Variants in ZNF654 observed in about 807,000 individuals in gnomAD.
ZNF654 encodes zinc finger protein 654, also known as melanoma-associated antigen.
In ZNF654, 19 loss-of-function variants were observed where a neutral mutation model predicts 95.3. The observed-to-expected ratio is 0.20, with a 90% confidence interval of 0.14 to 0.29. The LOEUF (loss-of-function observed/expected upper bound fraction) is 0.29, where lower values mean the gene tolerates loss of function less well. Among genes scored for constraint, ZNF654 ranks in the 10% least tolerant of loss-of-function variants. The pLI is 1.00. For synonymous variants in ZNF654, 413 were observed against 457.9 expected, an observed-to-expected ratio of 0.90 and a Z score of 1.25; for missense variants, 1,046 against 1,341.0, an observed-to-expected ratio of 0.78 and a Z score of 3.44.
intron 3 of ZNF654, among the ~76,000 whole-genome samples, chr3:88,115,786 A>G (rs1160324958): frequency 5.3e-5 from 8 of 152,148 alleles, no homozygotes; most frequent in African/African-American, 1.2e-4. Context: ...CATTTCTCAT[A>G]TGATGCATCT....
At chr3:88,113,469 T>C (rs1246995085) in intron 3 of ZNF654, among the ~76,000 whole-genome samples, 1 of 152,188 alleles carries the variant, frequency 6.6e-6, no homozygotes, top group Non-Finnish European at 1.5e-5. Flanking sequence ...AACTTAGTCC[T>C]GGTGAAAAAC....
intron 3 of ZNF654, among the ~76,000 whole-genome samples, chr3:88,118,140 G>A (rs1020529855): frequency 1.3e-5 from 2 of 152,128 alleles, no homozygotes; most frequent in Non-Finnish European, 2.9e-5. Flanking sequence ...CTGCCCTGAC[G>A]TTAGAGAAAA....
intron 1 of ZNF654, among the ~76,000 whole-genome samples, chr3:88,060,452 A>G (rs1706807798): frequency 6.6e-6 from 1 of 152,174 alleles, no homozygotes; most frequent in Non-Finnish European, 1.5e-5. Flanking sequence ...TCCCATTCAC[A>G]ACAATCTTTT....
intron 1 of ZNF654, among the ~76,000 whole-genome samples, chr3:88,071,972 A>G (rs4588391): frequency 0.78 from 119,188 of 152,142 alleles, 47,610 homozygotes; most frequent in South Asian, 0.91. Context: ...TTTCTTGTCA[A>G]ACAGTACATA....
chr3:88,132,031 T>C (rs2107848943), intron 6 of ZNF654, among the ~76,000 whole-genome samples: 1 of 152,236 alleles, frequency 6.6e-6, no homozygotes, highest in East Asian at 1.9e-4. Flanking sequence ...TAGCTGCAAA[T>C]GTTTGCTGAG....
intron 2 of ZNF654, among the ~76,000 whole-genome samples, chr3:88,096,499 A>G (rs1704068694): frequency 6.6e-6 from 1 of 152,082 alleles, no homozygotes; most frequent in Non-Finnish European, 1.5e-5. Flanking sequence ...TTTAGCCAAA[A>G]CTAACCAGAA....
chr3:88,085,544 T>A (rs1030432940), intron 1 of ZNF654, among the ~76,000 whole-genome samples: 5 of 152,192 alleles, frequency 3.3e-5, no homozygotes, highest in African/African-American at 1.2e-4. Context: ...TTTGTTAATA[T>A]AATATATTGT....
chr3:88,059,256 G>C lies in ZNF654; in HGVS notation c.-64G>C. Reference sequence around the variant, plus strand: ...GGAACTAGAGAGGAGGAGGAGGTTAGCCTAGGCATCTACGGCGGCGGCGGC... The same window carrying C: ...GGAACTAGAGAGGAGGAGGAGGTTACCCTAGGCATCTACGGCGGCGGCGGC... On this transcript the variant is annotated 5_prime_UTR_variant, in exon 1 of 9. Coordinates refer to ENST00000636215, the MANE Select transcript of ZNF654 (RefSeq NM_001350134.2). 1 of 1,530,676 alleles carries C rather than the reference G, an allele frequency of 6.5e-7. No individual in the cohort carries two copies. Among genetic ancestry groups the C allele is most frequent in the East Asian group, 2.4e-5 (1 of 40,886 alleles). The allele number at this position is 1,530,676 out of a possible 1,614,324, so 94.8% of individuals were successfully genotyped here.
intron 1 of ZNF654, among the ~76,000 whole-genome samples, chr3:88,063,521 A>C (rs1419661382): frequency 6.6e-6 from 1 of 152,162 alleles, no homozygotes; most frequent in African/African-American, 2.4e-5. Flanking sequence ...CTTGGTCTTG[A>C]TATAGGATTT....
chr3:88,110,078 A>G (rs1243588484), intron 2 of ZNF654, among the ~76,000 whole-genome samples: 1 of 152,166 alleles, frequency 6.6e-6, no homozygotes, highest in Non-Finnish European at 1.5e-5. Flanking sequence ...GTGACATGTT[A>G]ATAAATAATG....
At chr3:88,129,988 T>TA (rs1706350802) in intron 6 of ZNF654, among the ~76,000 whole-genome samples, 162 bp downstream of exon 6, 1 of 152,178 alleles carries the variant, frequency 6.6e-6, no homozygotes, top group Non-Finnish European at 1.5e-5. Flanking sequence ...CTAGAGACTT[T>TA]AAAAAGAAAT....
intron 3 of ZNF654, among the ~76,000 whole-genome samples, chr3:88,124,097 C>A (rs1283486000): frequency 3.3e-5 from 5 of 152,112 alleles, no homozygotes; most frequent in Admixed American, 1.3e-4. Flanking sequence ...AACTAGATGC[C>A]CTAAAATAAG....
At chr3:88,082,207 A>T (rs1156843052) in intron 1 of ZNF654, among the ~76,000 whole-genome samples, 1 of 151,694 alleles carries the variant, frequency 6.6e-6, no homozygotes, top group African/African-American at 2.4e-5. Flanking sequence ...GCTCACTGCA[A>T]CCTCTGCCTC....
chr3:88,078,619 C>A (rs1379359989), intron 1 of ZNF654, among the ~76,000 whole-genome samples: 1 of 152,080 alleles, frequency 6.6e-6, no homozygotes, highest in East Asian at 1.9e-4. Context: ...AGAAAAGGAG[C>A]TCTTCATCTC....
In ZNF654 at chr3:88,142,652, A is replaced by C. The variant is rs1456418324; in HGVS notation, c.*1000A>C. 1 of 152,378 alleles carries C rather than the reference A, an allele frequency of 6.6e-6. No individual in the cohort carries two copies. Among genetic ancestry groups the C allele is most frequent in the Admixed American group, 6.6e-5 (1 of 15,240 alleles). The allele number at this position is 152,378 out of a possible 1,614,324, so 9.4% of individuals were successfully genotyped here. ...TAACTGGCTCAAAAAATCAGCTAAGAATCAGGTTGAGAAATCATTCATTTT... is the reference window on the plus strand; with the variant it reads ...TAACTGGCTCAAAAAATCAGCTAAGCATCAGGTTGAGAAATCATTCATTTT... On this transcript the variant is annotated 3_prime_UTR_variant, in exon 9 of 9. Transcript: ENST00000636215.
intron 3 of ZNF654, among the ~76,000 whole-genome samples, chr3:88,122,809 A>G (rs1289436700): frequency 2.6e-5 from 4 of 152,042 alleles, no homozygotes; most frequent in African/African-American, 9.7e-5. Flanking sequence ...GAGGAGTTCG[A>G]TACCAGCCTG....
Position 88,120,071 on chromosome 3 carries a change from A to AT in ZNF654, c.415-6060dup, listed in dbSNP as rs200387069. ...GCTCAATAAATACATAATTCTACTTATTTAAAAAAAAATCAAATAATGTAA... is the reference window on the plus strand; with the variant it reads ...GCTCAATAAATACATAATTCTACTTATTTTAAAAAAAAATCAAATAATGTAA... On this transcript the variant is annotated intron_variant, in intron 3 of 8. Coordinates refer to ENST00000636215, the MANE Select transcript of ZNF654 (RefSeq NM_001350134.2). 7.0e-3 allele frequency among the ~76,000 whole-genome samples: 383 copies of AT among 54,446 alleles called. 1 individual carries two copies. Among genetic ancestry groups the AT allele is most frequent in the African/African-American group, 0.015 (367 of 24,050 alleles). 35.7% of individuals were successfully genotyped at this position (54,446 alleles called of 152,430 possible).
chr3:88,087,077 C>T (rs1471940259), intron 2 of ZNF654, among the ~76,000 whole-genome samples: 1 of 144,752 alleles, frequency 6.9e-6, no homozygotes. Flanking sequence ...CCACCGTGCC[C>T]AGCCCATTGT....
chr3:88,094,209 A>G (rs552822415), intron 2 of ZNF654, among the ~76,000 whole-genome samples: 2 of 150,824 alleles, frequency 1.3e-5, no homozygotes, highest in Non-Finnish European at 3.0e-5. Context: ...TGTTTATAGG[A>G]TTTGTTGTAG....
Sources: allele counts gnomAD v4.1 joint callset (sites outside exome capture counted in the v4.1 genomes callset), GRCh38; gene constraint gnomAD v4.1.1; transcripts MANE v1.5; gene names NCBI Gene and HGNC (gene_info 2026-07-23, HGNC 2026-07-21).